The following TRIO variants were observed in gnomAD, a reference collection of about 807,000 sequenced individuals.
TRIO encodes the protein triple functional domain protein.
TRIO carries 58 observed loss-of-function variants against 351.9 expected under a neutral mutation model. The ratio of observed to expected loss-of-function variants is 0.16; its 90% CI spans 0.13 to 0.21. The LOEUF is 0.21. Ranked by LOEUF, TRIO falls within the 10% of genes least tolerant of loss-of-function variation. The probability of loss-of-function intolerance (pLI) is 1.00; values close to 1 mark genes in which losing one functional copy is unlikely to be tolerated. For synonymous variants in TRIO, 1,758 were observed against 1,595.7 expected (o/e 1.10, Z -2.42); for missense variants, 3,201 against 4,027.8 (o/e 0.79, Z 5.56).
intron 49 of TRIO, among the ~76,000 whole-genome samples, chr5:14,495,306 A>C (rs1158023968): frequency 6.6e-6 from 1 of 152,176 alleles, no homozygotes; most frequent in African/African-American, 2.4e-5. Context: ...GATGGAATCT[A>C]CTCCTGGTGA....
At chr5:14,239,030 C>T (rs1457993780) in intron 1 of TRIO, among the ~76,000 whole-genome samples, 1 of 152,158 alleles carries the variant, frequency 6.6e-6, no homozygotes, top group Non-Finnish European at 1.5e-5. Flanking sequence ...TTTTTCCATA[C>T]ACGATGGTAA....
At chr5:14,483,137 C>A (rs1419296911) in intron 46 of TRIO, among the ~76,000 whole-genome samples, 2 of 152,212 alleles carry the variant, frequency 1.3e-5, no homozygotes, top group African/African-American at 4.8e-5. Context: ...GTGTCTTCTT[C>A]TCTTCCTCCA....
chr5:14,467,075 ACTAGC>A (rs1414363632), intron 37 of TRIO, among the ~76,000 whole-genome samples: 8 of 152,220 alleles, frequency 5.3e-5, no homozygotes, highest in Non-Finnish European at 1.0e-4. Flanking sequence ...TAAAAACTTG[ACTAGC>A]CACTAAGGGT....
intron 1 of TRIO, among the ~76,000 whole-genome samples, chr5:14,224,968 G>C (rs1217150324): frequency 1.3e-5 from 2 of 152,070 alleles, no homozygotes; most frequent in East Asian, 1.9e-4. Context: ...CTGAGCCTTC[G>C]TTCCTTGTTC....
chr5:14,164,808 A>G (rs564398112), intron 1 of TRIO, among the ~76,000 whole-genome samples: 3 of 152,332 alleles, frequency 2.0e-5, no homozygotes, highest in East Asian at 1.9e-4. Flanking sequence ...TCATTGGAGT[A>G]TCTGCATGTC....
intron 11 of TRIO, among the ~76,000 whole-genome samples, chr5:14,354,324 T>C (rs1423034577): frequency 6.6e-6 from 1 of 152,240 alleles, no homozygotes; most frequent in Non-Finnish European, 1.5e-5. Context: ...AGCGTTTTTG[T>C]TTTCTCAACA....
intron 11 of TRIO, among the ~76,000 whole-genome samples, chr5:14,349,900 C>T (rs973618160): frequency 8.5e-5 from 13 of 152,110 alleles, no homozygotes; most frequent in African/African-American, 2.9e-4. Flanking sequence ...CAAGTAGGTC[C>T]TAGTGTCTGT....
chr5:14,195,163 C>G (rs1790699908), intron 1 of TRIO, among the ~76,000 whole-genome samples: 2 of 152,198 alleles, frequency 1.3e-5, no homozygotes, highest in Admixed American at 6.5e-5. Context: ...GTGCAGTATC[C>G]ATTCCAGGAG....
chr5:14,234,396 G>A (rs1453925940), intron 1 of TRIO, among the ~76,000 whole-genome samples: 2 of 152,144 alleles, frequency 1.3e-5, no homozygotes, highest in African/African-American at 4.8e-5. Flanking sequence ...GGTGGTAGCT[G>A]CCCTGGCATT....
intron 37 of TRIO, among the ~76,000 whole-genome samples, chr5:14,470,093 T>C (rs764056875): frequency 6.6e-6 from 1 of 152,092 alleles, no homozygotes; most frequent in Non-Finnish European, 1.5e-5. Flanking sequence ...TTTAAAAGAG[T>C]GCATTTATTT....
chr5:14,390,948 T>C lies in TRIO; in HGVS notation c.4176T>C (p.Asp1392=), dbSNP rs984660829. 46 of 1,611,818 alleles carry C rather than the reference T, an allele frequency of 2.9e-5. 1 individual carries two copies. The highest frequency in any genetic ancestry group is 1.7e-6 in the Non-Finnish European group (2 of 1,179,408). ...TCACATATTGCAAAAATAAGCCTGA[T>C]TCTACTCAGCTGATATTGGAACATG... ...MYVTYCKNKP[D]STQLILEHAG... Residue 1392 remains aspartate, a synonymous_variant, in exon 27 of 57, where the codon GAT becomes GAC. Coordinates refer to ENST00000344204, the MANE Select transcript of TRIO (RefSeq NM_007118.4).
intron 34 of TRIO, among the ~76,000 whole-genome samples, chr5:14,452,709 T>C (rs1752928726): frequency 6.6e-6 from 1 of 152,240 alleles, no homozygotes; most frequent in Non-Finnish European, 1.5e-5. Flanking sequence ...CCTTTTCAAA[T>C]TCAGAGGCTG....
rs906128862 is a variant in TRIO at position 14,497,991 on chromosome 5, A to G, written c.8048-98A>G. The G allele has an allele frequency of 2.0e-5, 33 of 1,610,298 alleles. No homozygotes were observed. The South Asian group carries it at 2.6e-4, about 13-fold the overall frequency. On this transcript the variant is annotated intron_variant, in intron 51 of 56. Coordinates refer to ENST00000344204, the MANE Select transcript of TRIO (RefSeq NM_007118.4). The surrounding 1 kb of genome is among the most constrained non-coding windows in gnomAD (Gnocchi z 4.4). ...GTTTTCCGTGGCGCTCTAGGCGTGC[A>G]TAGCAGGTTAGGTCCTATCAATCTG...
rs1305443631 is a variant in TRIO, at chr5:14,363,945, A to G, written c.2587+18A>G. The G allele has an allele frequency of 3.1e-6, 5 of 1,599,384 alleles. No individual in the cohort carries two copies. The highest frequency in any genetic ancestry group is 1.7e-5 in the Admixed American group (1 of 57,538). The stretch of plus-strand genomic sequence containing the variant: ...GGCCTCTGGTAAGAGGGCTCACTCC[A>G]TCTGTGTCCGTTGTGATTTCTTCAT... On this transcript the variant is annotated intron_variant, in intron 14 of 56. Transcript: ENST00000344204.
intron 34 of TRIO, among the ~76,000 whole-genome samples, chr5:14,453,578 A>G (rs1753007570): frequency 6.6e-6 from 1 of 152,198 alleles, no homozygotes. Flanking sequence ...GTTTGTTCCC[A>G]TTATTTCATT....
intron 1 of TRIO, among the ~76,000 whole-genome samples, chr5:14,191,449 C>G (rs1404314966): frequency 6.6e-6 from 1 of 151,188 alleles, no homozygotes; most frequent in Non-Finnish European, 1.5e-5. Context: ...AAATATTTAG[C>G]TGGCCGTGGT....
intron 19 of TRIO, among the ~76,000 whole-genome samples, chr5:14,377,226 A>AG (rs1239521994): frequency 2.0e-5 from 3 of 148,464 alleles, no homozygotes; most frequent in Middle Eastern, 3.6e-3. Context: ...TCCTCTCCTA[A>AG]GGGGTTATGG....
At chr5:14,433,095 G>C (rs1270416650) in intron 34 of TRIO, among the ~76,000 whole-genome samples, 2 of 152,138 alleles carry the variant, frequency 1.3e-5, no homozygotes, top group African/African-American at 2.4e-5. Context: ...CACAATGCTG[G>C]TGCAAACAGA....
chr5:14,433,419 C>T (rs1190800806), intron 34 of TRIO, among the ~76,000 whole-genome samples: 3 of 152,302 alleles, frequency 2.0e-5, no homozygotes, highest in Non-Finnish European at 4.4e-5. Flanking sequence ...AGAAAACTTC[C>T]TCTGAACAGG....
Sources: allele counts gnomAD v4.1 joint callset (sites outside exome capture counted in the v4.1 genomes callset), GRCh38; gene constraint gnomAD v4.1.1; non-coding constraint Gnocchi (gnomAD v3.1); transcripts MANE v1.5; gene names NCBI Gene and HGNC (gene_info 2026-07-23, HGNC 2026-07-21).